TASP1: variants seen among roughly 807,000 people sequenced by gnomAD.
TASP1 encodes the protein threonine aspartase 1.
In TASP1, 16 loss-of-function variants were observed where a neutral mutation model predicts 56.6. The observed-to-expected ratio is 0.28, with a 90% CI of 0.19 to 0.43. TASP1 has a LOEUF of 0.43. Among genes scored for constraint, TASP1 ranks in the 20% least tolerant of loss-of-function variants. TASP1 has a pLI of 1.00. For synonymous variants in TASP1, 179 were observed against 184.2 expected, an observed-to-expected ratio of 0.97 and a Z score of 0.23; for missense variants, 393 against 511.6, an observed-to-expected ratio of 0.77 and a Z score of 2.24.
At chr20:13,349,956 G>T in the TASP1 span, among the ~76,000 whole-genome samples, 1 of 152,160 alleles carries the variant, frequency 6.6e-6, no homozygotes, top group Non-Finnish European at 1.5e-5. Flanking sequence ...TTTGAGACCT[G>T]ACTGGGCAAC....
the TASP1 span, among the ~76,000 whole-genome samples, chr20:13,111,351 C>A: frequency 6.6e-6 from 1 of 152,258 alleles, no homozygotes; most frequent in East Asian, 1.9e-4. Context: ...GTGAGCTTGT[C>A]CTTGCCCCAG....
chr20:13,313,147 T>C, the TASP1 span, among the ~76,000 whole-genome samples: 14 of 152,198 alleles, frequency 9.2e-5, no homozygotes, highest in African/African-American at 3.4e-4. Context: ...AGATCCCTTC[T>C]ACAGCCTCCC....
At chr20:13,398,373 TA>T (rs59833009) in intron 13 of TASP1, among the ~76,000 whole-genome samples, 194 of 142,146 alleles carry the variant, frequency 1.4e-3, no homozygotes, top group Admixed American at 1.6e-3. Flanking sequence ...GCTCTCTCTT[TA>T]AAAAAAAAAA....
At chr20:13,304,028 T>C in the TASP1 span, among the ~76,000 whole-genome samples, 1 of 152,238 alleles carries the variant, frequency 6.6e-6, no homozygotes, top group African/African-American at 2.4e-5. Context: ...ATCTTGTGGC[T>C]CTGCCACCAT....
chr20:13,218,020 C>G, the TASP1 span, among the ~76,000 whole-genome samples: 1 of 151,956 alleles, frequency 6.6e-6, no homozygotes, highest in Non-Finnish European at 1.5e-5. Context: ...GAGGCCGAAG[C>G]GGGTGGATCA....
At chr20:13,627,176 T>C (rs1335912069) in intron 2 of TASP1, among the ~76,000 whole-genome samples, 1 of 152,106 alleles carries the variant, frequency 6.6e-6, no homozygotes, top group Non-Finnish European at 1.5e-5. Flanking sequence ...GTATAGGCAG[T>C]GGGAAAAATC....
chr20:13,625,334 G>T, intron 2 of TASP1, 82 bp from the exon 3 acceptor site: 1 of 1,150,758 alleles, frequency 8.7e-7, no homozygotes, highest in South Asian at 1.5e-5. Context: ...CATATAAACT[G>T]ATGCTGTCCT....
At chr20:13,173,039 T>C in the TASP1 span, among the ~76,000 whole-genome samples, 1 of 152,126 alleles carries the variant, frequency 6.6e-6, no homozygotes, top group South Asian at 2.1e-4. Flanking sequence ...GACTTTGCCA[T>C]TGCATGTGTG....
intron 10 of TASP1, among the ~76,000 whole-genome samples, chr20:13,505,002 G>A (rs2044077262): frequency 6.6e-6 from 1 of 151,720 alleles, no homozygotes; most frequent in South Asian, 2.1e-4. Context: ...GGCAAACAGT[G>A]GCATACAGAC....
chr20:13,489,942 G>A (rs2043463794), intron 10 of TASP1, among the ~76,000 whole-genome samples: 2 of 152,176 alleles, frequency 1.3e-5, no homozygotes, highest in Admixed American at 1.3e-4. Context: ...GAATATATGG[G>A]ACCAAATGCA....
chr20:13,268,239 TCTC>T, the TASP1 span, among the ~76,000 whole-genome samples: 1 of 151,376 alleles, frequency 6.6e-6, no homozygotes, highest in East Asian at 1.9e-4. Context: ...TTCTATTCTT[TCTC>T]TTCTCTTCAC....
At chr20:13,500,701 T>C (rs552353540) in intron 10 of TASP1, among the ~76,000 whole-genome samples, 16 of 151,952 alleles carry the variant, frequency 1.1e-4, no homozygotes, top group Non-Finnish European at 1.8e-4. Context: ...GATATAGTCA[T>C]GAGAAATTAT....
chr20:13,479,416 A>G (rs1306093707), intron 11 of TASP1, among the ~76,000 whole-genome samples: 1 of 152,078 alleles, frequency 6.6e-6, no homozygotes, highest in Non-Finnish European at 1.5e-5. Flanking sequence ...ATCCACCATT[A>G]ATAGTTTTAA....
At chr20:13,540,352 A>T (rs1295703027) in intron 8 of TASP1, among the ~76,000 whole-genome samples, 5 of 152,194 alleles carry the variant, frequency 3.3e-5, no homozygotes, top group Non-Finnish European at 5.9e-5. Context: ...TTCTACATTA[A>T]ATATAAACCT....
the TASP1 span, among the ~76,000 whole-genome samples, chr20:13,136,738 T>G: frequency 0.021 from 3,135 of 147,836 alleles, 92 homozygotes; most frequent in African/African-American, 0.073. Context: ...AAAAGTTATA[T>G]ATATAATATA....
chr20:13,606,320 T>G (rs934219655), intron 4 of TASP1, among the ~76,000 whole-genome samples: 3 of 152,186 alleles, frequency 2.0e-5, no homozygotes, highest in Admixed American at 2.0e-4. Context: ...CATTCATGTC[T>G]CTGTTCAAAA....
At chr20:13,237,188 G>A in the TASP1 span, among the ~76,000 whole-genome samples, 54 of 152,292 alleles carry the variant, frequency 3.5e-4, no homozygotes, top group African/African-American at 1.2e-3. Flanking sequence ...AGATTTGAAT[G>A]GGGACACAGC....
At chr20:13,152,413 G>A in the TASP1 span, among the ~76,000 whole-genome samples, 2 of 152,134 alleles carry the variant, frequency 1.3e-5, no homozygotes, top group African/African-American at 4.8e-5. Flanking sequence ...GGCAGAAGAG[G>A]AAATGTATTG....
chr20:13,286,759 CCTGGAAGGCTGG>C, the TASP1 span, among the ~76,000 whole-genome samples: 2 of 152,208 alleles, frequency 1.3e-5, no homozygotes, highest in Admixed American at 1.3e-4. Flanking sequence ...TAAACAACAG[CCTGGAAGGCTGG>C]CACGGGCCCA....
Sources: gnomAD v4.1 joint callset for allele counts (sites outside exome capture counted in the v4.1 genomes callset) on GRCh38, gnomAD v4.1.1 for gene constraint, MANE v1.5 for transcripts, NCBI Gene and HGNC (gene_info 2026-07-23, HGNC 2026-07-21) for gene names.